The following CAMK2B variants were observed in gnomAD, a reference collection of about 807,000 sequenced individuals.
CAMK2B encodes the protein calcium/calmodulin dependent protein kinase II beta.
Under a neutral mutation model 93.7 loss-of-function variants are expected in CAMK2B, and 27 were observed. That is an observed-to-expected ratio of 0.29 (90% CI 0.21 to 0.40). The LOEUF (loss-of-function observed/expected upper bound fraction) is 0.40. CAMK2B is among the 10% of genes least tolerant of loss of function. The pLI, the probability that CAMK2B is intolerant of heterozygous loss-of-function variation, is 1.00. For synonymous variants in CAMK2B, 374 were observed against 358.8 expected (o/e 1.04, Z -0.48); for missense variants, 568 against 895.8 (o/e 0.63, Z 4.67).
chr7:44,233,858 C>T (rs538971875), intron 15 of CAMK2B, among the ~76,000 whole-genome samples: 61 of 152,332 alleles, frequency 4.0e-4, no homozygotes, highest in African/African-American at 1.3e-3. Flanking sequence ...TTGGCTGCCA[C>T]TGGCTTAGAC....
intron 3 of CAMK2B, among the ~76,000 whole-genome samples, chr7:44,261,227 G>C (rs141300395): frequency 2.8e-4 from 42 of 152,354 alleles, no homozygotes; most frequent in African/African-American, 9.9e-4. Context: ...CTCCTTTCCA[G>C]TGGGGGCTGC....
chr7:44,299,565 AAAAT>A (rs968359352), intron 1 of CAMK2B, among the ~76,000 whole-genome samples: 3 of 152,150 alleles, frequency 2.0e-5, no homozygotes, highest in Middle Eastern at 3.4e-3. Context: ...TTAAAAATTA[AAAAT>A]AAATAAAAAG....
chr7:44,322,364 C>T (rs1056993978), intron 1 of CAMK2B, among the ~76,000 whole-genome samples: 2 of 152,136 alleles, frequency 1.3e-5, no homozygotes. Context: ...AAATGGGTTA[C>T]TTAATATTTC....
At chr7:44,262,092 T>C (rs951163344) in intron 3 of CAMK2B, among the ~76,000 whole-genome samples, 1 of 152,194 alleles carries the variant, frequency 6.6e-6, no homozygotes, top group African/African-American at 2.4e-5. Context: ...GCGAGGTGGT[T>C]CCAGCCCCCT....
rs577199608 is a variant in CAMK2B, at chr7:44,298,294, C to G, written c.66-14069G>C. Reference sequence around the variant, plus strand: ...CAAGGGTTATTCAATGAAGAAAGGACAGTCTTTTCAACAAGTGGTGCTGGG... The same window carrying G: ...CAAGGGTTATTCAATGAAGAAAGGAGAGTCTTTTCAACAAGTGGTGCTGGG... On this transcript the variant is annotated intron_variant, in intron 1 of 23. Transcript: ENST00000395749. Among the ~76,000 whole-genome samples the G allele has an allele frequency of 3.9e-5, 6 of 152,280 alleles. No homozygotes were observed. In the South Asian group the frequency reaches 1.2e-3, roughly 32 times the overall value.
intron 1 of CAMK2B, among the ~76,000 whole-genome samples, chr7:44,285,122 A>G (rs917608772): frequency 1.3e-5 from 2 of 152,160 alleles, no homozygotes; most frequent in Admixed American, 1.3e-4. Flanking sequence ...AGTGCCACCC[A>G]ATGGGAGCCA....
intron 4 of CAMK2B, among the ~76,000 whole-genome samples, chr7:44,256,604 C>A (rs2096836248): frequency 6.6e-6 from 1 of 152,246 alleles, no homozygotes; most frequent in South Asian, 2.1e-4. Context: ...CCTGGCATGC[C>A]CCAGTGTTGT....
intron 20 of CAMK2B, among the ~76,000 whole-genome samples, chr7:44,221,945 G>A (rs933721669): frequency 6.6e-6 from 1 of 152,106 alleles, no homozygotes; most frequent in African/African-American, 2.4e-5. Flanking sequence ...ATAAAGCACC[G>A]CACATGTAGT....
Position 44,229,377 on chromosome 7 carries a change from A to G in CAMK2B, c.1339+11T>C, listed in dbSNP as rs891640588. The G allele has an allele frequency of 6.0e-6, 9 of 1,512,124 alleles. No individual in the cohort carries two copies. In the African/African-American group the frequency reaches 1.3e-4, roughly 21 times the overall value. 93.7% of individuals were successfully genotyped at this position (1,512,124 alleles called of 1,614,324 possible). ...CATGACCCCCACAGCAGCAGGACCC[A>G]GGCTACTTACATGGGGCTGGCAGGG... On this transcript the variant is annotated intron_variant, in intron 18 of 23. Coordinates refer to ENST00000395749, the MANE Select transcript of CAMK2B (RefSeq NM_001220.5).
At chr7:44,274,372 C>T (rs2097010284) in intron 2 of CAMK2B, among the ~76,000 whole-genome samples, 1 of 152,190 alleles carries the variant, frequency 6.6e-6, no homozygotes, top group African/African-American at 2.4e-5. Context: ...TGCAGCTGTT[C>T]CCCCTCGAGC....
At chr7:44,234,609 C>A in intron 14 of CAMK2B, 30 bp downstream of exon 14, 1 of 1,613,102 alleles carries the variant, frequency 6.2e-7, no homozygotes, top group Non-Finnish European at 8.5e-7. Flanking sequence ...CTGGGCTCCC[C>A]GGCACCACAG....
In CAMK2B at chr7:44,286,517, C is replaced by T. The variant is rs933672844; in HGVS notation, c.66-2292G>A. Among the ~76,000 whole-genome samples the T allele has an allele frequency of 6.6e-6, 1 of 152,224 alleles. No homozygotes were observed. The highest frequency in any genetic ancestry group is 6.5e-5 in the Admixed American group (1 of 15,290). ...AGCTTCCCACCAGCACAGCAGGCTC[C>T]CAGCTGCTGGCCAGACTCAGACAGG... On this transcript the variant is annotated intron_variant, in intron 1 of 23. Transcript: ENST00000395749. This position sits in a 1 kb window ranked among gnomAD's most constrained non-coding sequence, Gnocchi z 4.0.
rs950141369 is a variant in CAMK2B at position 44,225,266 on chromosome 7, C to T, written c.1597+1250G>A. On this transcript the variant is annotated intron_variant, in intron 20 of 23. Transcript: ENST00000395749. This position sits in a 1 kb window ranked among gnomAD's most constrained non-coding sequence, Gnocchi z 5.0. ...TCCAGGCAGGCTCCTTTGGGCACAC[C>T]CCTCCACTTCTGCAAGGGCAGCAAG... is the stretch of plus-strand genomic sequence containing the variant. 6.6e-6 allele frequency among the ~76,000 whole-genome samples: 1 copy of T among 152,164 alleles called. No individual in the cohort carries two copies. Among genetic ancestry groups the T allele is most frequent in the African/African-American group, 2.4e-5 (1 of 41,430 alleles).
At chr7:44,220,476 C>T (rs1022261938) in intron 22 of CAMK2B, 140 bp downstream of exon 22, 59 of 862,676 alleles carry the variant, frequency 6.8e-5, no homozygotes, top group Middle Eastern at 3.5e-4. Context: ...TGGCCTCTGG[C>T]GGGGGAGAGG....
intron 5 of CAMK2B, among the ~76,000 whole-genome samples, chr7:44,251,867 T>G (rs913621352): frequency 1.3e-5 from 2 of 152,142 alleles, no homozygotes; most frequent in African/African-American, 4.8e-5. Flanking sequence ...CCCGAGCATT[T>G]CCTGAGGACC....
intron 13 of CAMK2B, among the ~76,000 whole-genome samples, chr7:44,237,420 CT>C (rs1463363375): frequency 6.6e-6 from 1 of 152,264 alleles, no homozygotes; most frequent in Non-Finnish European, 1.5e-5. Flanking sequence ...CAGGCCGACG[CT>C]GCCATCAGAG....
At chr7:44,275,410 G>A (rs994930314) in intron 2 of CAMK2B, among the ~76,000 whole-genome samples, 1 of 152,216 alleles carries the variant, frequency 6.6e-6, no homozygotes, top group African/African-American at 2.4e-5. Context: ...CGCGCAGCCC[G>A]GCTCCCTGTT....
intron 13 of CAMK2B, among the ~76,000 whole-genome samples, chr7:44,237,664 G>A (rs2096639242): frequency 6.6e-6 from 1 of 151,510 alleles, no homozygotes; most frequent in Admixed American, 6.6e-5. Context: ...GAGTCCTGTC[G>A]ATGCCCATCT....
At chr7:44,267,149 G>A (rs572669373) in intron 2 of CAMK2B, 2 of 152,294 alleles carry the variant, frequency 1.3e-5, no homozygotes, top group South Asian at 2.1e-4. Flanking sequence ...CGACCTCCAG[G>A]GGACCTCACC....
Sources: gnomAD v4.1 joint callset for allele counts (sites outside exome capture counted in the v4.1 genomes callset) on GRCh38, gnomAD v4.1.1 for gene constraint, Gnocchi (gnomAD v3.1) non-coding constraint, MANE v1.5 for transcripts, NCBI Gene and HGNC (gene_info 2026-07-23, HGNC 2026-07-21) for gene names.